Variants in TUSC3 observed in about 807,000 individuals in gnomAD.
The protein encoded by TUSC3 is tumor suppressor candidate 3, also known as dolichyl-diphosphooligosaccharide--protein glycosyltransferase subunit TUSC3.
TUSC3 carries 45 observed loss-of-function variants against 44.8 expected under a neutral mutation model. That is an observed-to-expected ratio of 1.00 (90% confidence interval 0.79 to 1.29). The LOEUF (loss-of-function observed/expected upper bound fraction) is 1.29. Ranked by LOEUF, TUSC3 falls within the 50% of genes most tolerant of loss-of-function variation. The pLI, the probability that TUSC3 is intolerant of heterozygous loss-of-function variation, is 0.00. For synonymous variants in TUSC3, 212 were observed against 152.9 expected (o/e 1.39, Z -2.85); for missense variants, 519 against 437.9 (o/e 1.19, Z -1.65).
chr8:15,501,140 C>T lies in TUSC3; in HGVS notation n.189+17657C>T, dbSNP rs74524886. On this transcript the variant is annotated intron_variant and non_coding_transcript_variant, in intron 2 of 5. Coordinates refer to the TUSC3 transcript ENST00000503191. ...CCTTACATCACTTTTGGTATTTCTA[C>T]ACTCCTTCATCCTGACCTTTAACCA... is the stretch of plus-strand genomic sequence containing the variant. Among the ~76,000 whole-genome samples, 1,344 of 152,196 alleles carry T rather than the reference C, an allele frequency of 8.8e-3. 19 individuals are homozygous for T. The highest frequency in any genetic ancestry group is 0.031 in the African/African-American group (1,275 of 41,520).
upstream of TUSC3, among the ~76,000 whole-genome samples, chr8:15,538,951 G>A (rs1242903832): frequency 1.3e-5 from 2 of 151,752 alleles, no homozygotes; most frequent in African/African-American, 4.8e-5. Flanking sequence ...CTGGGCTCTA[G>A]TGATCCTTCC....
intron 1 of TUSC3, among the ~76,000 whole-genome samples, chr8:15,459,625 C>G (rs765235717): frequency 6.6e-6 from 1 of 152,060 alleles, no homozygotes; most frequent in East Asian, 1.9e-4. Context: ...CACCCTCCCA[C>G]CCTTCTCTGC....
At chr8:15,435,287 T>C (rs549269357) in intron 1 of TUSC3, among the ~76,000 whole-genome samples, 1 of 152,236 alleles carries the variant, frequency 6.6e-6, no homozygotes, top group African/African-American at 2.4e-5. Context: ...TGGTGGCCAG[T>C]GATGATGAGC....
rs755691561 is a variant in TUSC3 at position 15,659,569 on chromosome 8, T to C, written c.489T>C (p.Ala163=). ...CTCCAAAAGGCAGACCTAAGAGAGC[T>C]GATACTTTTGACCTCCAAAGAATTG... ...HFPPKGRPKR[A]DTFDLQRIGF... The change falls in exon 4 of 11, where the codon GCT becomes GCC. Residue 163 remains alanine, a synonymous_variant. Transcript: ENST00000503731. 1.2e-6 allele frequency: 2 copies of C among 1,613,546 alleles called. No homozygotes were observed. Among genetic ancestry groups the C allele is most frequent in the South Asian group, 2.2e-5 (2 of 91,082 alleles).
At position 15,523,690 on chromosome 8, in the gene TUSC3, G is replaced by GTATA. The variant is rs1327611283; in HGVS notation, n.189+40208_189+40209insATAT. ...TGTGTGTGTGTGTGTGTGTGTGTGT[G>GTATA]TGTGTGTGTGTGTGTGTGTATATAT... is the stretch of plus-strand genomic sequence containing the variant. On this transcript the variant is annotated intron_variant and non_coding_transcript_variant, in intron 2 of 5. Coordinates refer to the TUSC3 transcript ENST00000503191. Among the ~76,000 whole-genome samples the GTATA allele has an allele frequency of 9.6e-4, 49 of 50,958 alleles. 1 individual carries two copies. Among genetic ancestry groups the GTATA allele is most frequent in the African/African-American group, 3.6e-3 (46 of 12,792 alleles). The allele number at this position is 50,958 out of a possible 152,430, so 33.4% of individuals were successfully genotyped here. A position where few individuals can be genotyped will look rare whatever the true frequency, so the allele number is the denominator to read the frequency against.
intron 2 of TUSC3, among the ~76,000 whole-genome samples, chr8:15,532,927 G>A (rs1801469860): frequency 6.6e-6 from 1 of 152,052 alleles, no homozygotes; most frequent in Admixed American, 6.6e-5. Context: ...TGAGTAGCCG[G>A]GATTACAGGT....
At chr8:15,829,456 G>A in the TUSC3 span, among the ~76,000 whole-genome samples, 1 of 152,076 alleles carries the variant, frequency 6.6e-6, no homozygotes, top group Non-Finnish European at 1.5e-5. Flanking sequence ...AATCTGATAA[G>A]GGTTAATTTA....
chr8:15,519,476 A>G (rs890888361), intron 2 of TUSC3, among the ~76,000 whole-genome samples: 1 of 152,108 alleles, frequency 6.6e-6, no homozygotes, highest in African/African-American at 2.4e-5. Flanking sequence ...TCCTTGGCCT[A>G]TTAGGAACCA....
At chr8:15,583,961 CTCA>C (rs1443702846) in intron 1 of TUSC3, among the ~76,000 whole-genome samples, 1 of 152,144 alleles carries the variant, frequency 6.6e-6, no homozygotes, top group East Asian at 1.9e-4. Context: ...TGAATTAAAT[CTCA>C]TGATAGATAG....
At chr8:15,602,938 A>G (rs1804353215) in intron 1 of TUSC3, among the ~76,000 whole-genome samples, 1 of 151,708 alleles carries the variant, frequency 6.6e-6, no homozygotes, top group African/African-American at 2.4e-5. Flanking sequence ...CTTTAATGTT[A>G]GTAGATATTT....
downstream of TUSC3, among the ~76,000 whole-genome samples, chr8:15,770,642 GTAA>G (rs1812425675): frequency 1.3e-5 from 2 of 152,150 alleles, no homozygotes; most frequent in South Asian, 4.1e-4. Context: ...TAATAATATA[GTAA>G]TAATTGGAAA....
chr8:15,845,311 T>A, the TUSC3 span, among the ~76,000 whole-genome samples: 1 of 152,252 alleles, frequency 6.6e-6, no homozygotes, highest in Non-Finnish European at 1.5e-5. Context: ...GGAGTTTTGA[T>A]TTAAGTGAGG....
intron 2 of TUSC3, among the ~76,000 whole-genome samples, chr8:15,501,698 T>G (rs1245518150): frequency 6.6e-6 from 1 of 152,204 alleles, no homozygotes; most frequent in Non-Finnish European, 1.5e-5. Context: ...CCTTCCATCT[T>G]TCTTCTCCAA....
At chr8:15,426,132 A>G (rs951158448) in intron 1 of TUSC3, among the ~76,000 whole-genome samples, 6 of 152,228 alleles carry the variant, frequency 3.9e-5, no homozygotes, top group African/African-American at 1.4e-4. Context: ...TAAAGTGTAC[A>G]TTTGATGAGT....
the TUSC3 span, among the ~76,000 whole-genome samples, chr8:15,840,266 T>A: frequency 6.6e-6 from 1 of 152,102 alleles, no homozygotes; most frequent in South Asian, 2.1e-4. Flanking sequence ...TTAGGAGACA[T>A]GCCTAATGTA....
chr8:15,662,051 C>T lies in TUSC3; in HGVS notation c.568-105C>T. 3.9e-6 allele frequency: 5 copies of T among 1,274,148 alleles called. No homozygotes were observed. In the South Asian group the frequency reaches 5.0e-5, roughly 13 times the overall value. The allele number at this position is 1,274,148 out of a possible 1,614,324, so 78.9% of individuals were successfully genotyped here. A position where few individuals can be genotyped will look rare whatever the true frequency, so the allele number is the denominator to read the frequency against. On this transcript the variant is annotated intron_variant, in intron 4 of 10. Transcript: ENST00000503731. ...GTGTCACGTATGAAAAGTTGGGTGGCATGTTTCTGAGTTCTTTGCGTTGAA... is the reference window on the plus strand; with the variant it reads ...GTGTCACGTATGAAAAGTTGGGTGGTATGTTTCTGAGTTCTTTGCGTTGAA...
intron 2 of TUSC3, among the ~76,000 whole-genome samples, chr8:15,632,654 T>C (rs1805824844): frequency 6.6e-6 from 1 of 152,212 alleles, no homozygotes; most frequent in Non-Finnish European, 1.5e-5. Context: ...ACATTAGTGA[T>C]TGTGAAATGG....
intron 2 of TUSC3, among the ~76,000 whole-genome samples, chr8:15,624,453 C>A (rs1320707284): frequency 1.3e-5 from 2 of 152,204 alleles, no homozygotes; most frequent in Non-Finnish European, 2.9e-5. Flanking sequence ...TTAGTTGCTG[C>A]TTATCCTTAC....
At chr8:15,427,552 G>T (rs545590420) in intron 1 of TUSC3, among the ~76,000 whole-genome samples, 2 of 152,128 alleles carry the variant, frequency 1.3e-5, no homozygotes, top group African/African-American at 2.4e-5. Context: ...GTCAAGCCAC[G>T]CACTTGGTCT....
Sources: allele counts gnomAD v4.1 joint callset (sites outside exome capture counted in the v4.1 genomes callset), GRCh38; gene constraint gnomAD v4.1.1; transcripts MANE v1.5; gene names NCBI Gene and HGNC (gene_info 2026-07-23, HGNC 2026-07-21).